Variants in NAALADL2 observed in about 807,000 individuals in gnomAD.
NAALADL2 encodes inactive N-acetylated-alpha-linked acidic dipeptidase-like protein 2.
NAALADL2 carries 76 observed loss-of-function variants against 87.2 expected under a neutral mutation model. The ratio of observed to expected loss-of-function variants is 0.87; its 90% CI spans 0.72 to 1.05. The LOEUF is 1.05. NAALADL2 is among the 50% of genes least tolerant of loss of function. NAALADL2 has a pLI of 0.00. For synonymous variants in NAALADL2, 354 were observed against 331.0 expected (o/e 1.07, Z -0.75); for missense variants, 1,089 against 945.8 (o/e 1.15, Z -1.99).
chr3:175,551,879 C>T (rs7644495), intron 9 of NAALADL2, among the ~76,000 whole-genome samples: 28,059 of 146,924 alleles, frequency 0.19, 2,743 homozygotes, highest in Middle Eastern at 0.25. Context: ...GCCGAGATCA[C>T]GCCACTGCAC....
chr3:174,824,534 T>C (rs572734087), intron 3 of NAALADL2, among the ~76,000 whole-genome samples: 2 of 152,352 alleles, frequency 1.3e-5, no homozygotes, highest in South Asian at 4.1e-4. Flanking sequence ...GTTATACACA[T>C]CTACCTATAG....
chr3:175,013,036 A>G (rs543546518), intron 1 of NAALADL2, among the ~76,000 whole-genome samples: 14 of 129,022 alleles, frequency 1.1e-4, no homozygotes, highest in African/African-American at 4.1e-4. Context: ...ATATATAAAT[A>G]TATAATATAT....
At chr3:174,501,141 GGAT>G (rs1718859188) in intron 1 of NAALADL2, among the ~76,000 whole-genome samples, 4 of 138,420 alleles carry the variant, frequency 2.9e-5, no homozygotes, top group African/African-American at 6.4e-5. Flanking sequence ...TGCAGTGGCG[GGAT>G]CTCGGCTCAC....
intron 3 of NAALADL2, among the ~76,000 whole-genome samples, chr3:174,760,655 C>T (rs1310535804): frequency 6.6e-6 from 1 of 152,194 alleles, no homozygotes; most frequent in Non-Finnish European, 1.5e-5. Flanking sequence ...CTGCTAGGCT[C>T]TTGCTGTCCT....
At chr3:175,187,246 C>T (rs1376975696) in intron 2 of NAALADL2, among the ~76,000 whole-genome samples, 3 of 152,086 alleles carry the variant, frequency 2.0e-5, no homozygotes, top group African/African-American at 7.2e-5. Context: ...ATAATTGTTG[C>T]CTTGCAGGAA....
At chr3:175,437,224 C>T (rs1718838273) in intron 5 of NAALADL2, among the ~76,000 whole-genome samples, 1 of 151,016 alleles carries the variant, frequency 6.6e-6, no homozygotes, top group Non-Finnish European at 1.5e-5. Flanking sequence ...CCAAAATCTC[C>T]TTAAGCTGAT....
At chr3:174,795,552 A>G (rs1295951928) in intron 3 of NAALADL2, among the ~76,000 whole-genome samples, 2 of 152,102 alleles carry the variant, frequency 1.3e-5, no homozygotes, top group Admixed American at 1.3e-4. Context: ...TTAAGTATAT[A>G]TTTAGGAGTA....
At chr3:175,279,272 G>A (rs529301809) in intron 4 of NAALADL2, among the ~76,000 whole-genome samples, 120 of 152,164 alleles carry the variant, frequency 7.9e-4, no homozygotes, top group Admixed American at 8.5e-4. Flanking sequence ...TATCCTTATC[G>A]TTGCCAAGGT....
chr3:175,770,033 A>G (rs1749274299), intron 13 of NAALADL2, among the ~76,000 whole-genome samples: 1 of 152,062 alleles, frequency 6.6e-6, no homozygotes, highest in East Asian at 1.9e-4. Flanking sequence ...CCACATTATC[A>G]AGGACAATTT....
chr3:174,840,152 C>T (rs1384959983), intron 3 of NAALADL2, among the ~76,000 whole-genome samples: 1 of 150,726 alleles, frequency 6.6e-6, no homozygotes, highest in African/African-American at 2.4e-5. Flanking sequence ...ATATATATAT[C>T]TAATATATAT....
chr3:175,787,066 T>G (rs3119998), intron 13 of NAALADL2, among the ~76,000 whole-genome samples: 4 of 150,930 alleles, frequency 2.7e-5, no homozygotes, highest in Non-Finnish European at 5.9e-5. Flanking sequence ...GCAGTCTGCC[T>G]GTTCTCAGAT....
chr3:174,583,610 A>G (rs1311218259), intron 2 of NAALADL2, among the ~76,000 whole-genome samples: 1 of 152,202 alleles, frequency 6.6e-6, no homozygotes, highest in African/African-American at 2.4e-5. Flanking sequence ...AGCAATTGCC[A>G]TAATAGAGGC....
At chr3:174,819,203 C>T (rs1408125887) in intron 3 of NAALADL2, among the ~76,000 whole-genome samples, 1 of 150,242 alleles carries the variant, frequency 6.7e-6, no homozygotes, top group Non-Finnish European at 1.5e-5. Flanking sequence ...TAGCTGGGAC[C>T]AAAGGCACAT....
intron 1 of NAALADL2, among the ~76,000 whole-genome samples, chr3:174,869,461 A>C (rs1261126319): frequency 6.6e-6 from 1 of 152,196 alleles, no homozygotes; most frequent in East Asian, 1.9e-4. Context: ...GGATTCCTAG[A>C]GTAACTTTAA....
At chr3:174,855,804 A>G (rs1560290534), upstream of NAALADL2, among the ~76,000 whole-genome samples, 1 of 149,982 alleles carries the variant, frequency 6.7e-6, no homozygotes. Flanking sequence ...ACACACACAC[A>G]CACACACACA....
chr3:175,169,442 A>G (rs1321229837), intron 2 of NAALADL2, among the ~76,000 whole-genome samples: 1 of 140,404 alleles, frequency 7.1e-6, no homozygotes, highest in Non-Finnish European at 1.6e-5. Flanking sequence ...CATAACTAAG[A>G]GGGTAGTTGT....
At chr3:174,838,530 A>G (rs931883151) in intron 3 of NAALADL2, among the ~76,000 whole-genome samples, 2 of 152,134 alleles carry the variant, frequency 1.3e-5, no homozygotes, top group African/African-American at 4.8e-5. Flanking sequence ...AGGACATCCA[A>G]ATCAGTAAAG....
intron 4 of NAALADL2, among the ~76,000 whole-genome samples, chr3:175,261,524 T>A (rs1751039147): frequency 6.6e-6 from 1 of 152,128 alleles, no homozygotes; most frequent in Admixed American, 6.5e-5. Context: ...TGATTAATTA[T>A]CCATTTGTGC....
intron 2 of NAALADL2, among the ~76,000 whole-genome samples, chr3:174,674,206 C>G (rs1726831931): frequency 1.3e-5 from 2 of 151,870 alleles, no homozygotes; most frequent in Non-Finnish European, 1.5e-5. Context: ...TTTTAAACAA[C>G]CAAATCTCAT....
Sources: gnomAD v4.1 joint callset for allele counts (sites outside exome capture counted in the v4.1 genomes callset) on GRCh38, gnomAD v4.1.1 for gene constraint, MANE v1.5 for transcripts, NCBI Gene and HGNC (gene_info 2026-07-23, HGNC 2026-07-21) for gene names.